The following ZNF592 variants were observed in gnomAD, a reference collection of about 807,000 sequenced individuals.
ZNF592 encodes zinc finger protein 592, also known as spinocerebellar ataxia, autosomal recessive 5.
A neutral mutation model predicts 80.3 loss-of-function variants in ZNF592; 11 were observed. The observed-to-expected ratio is 0.14, with a 90% CI of 0.09 to 0.23. The LOEUF is 0.23. Among genes scored for constraint, ZNF592 ranks in the 10% least tolerant of loss-of-function variants. ZNF592 has a pLI of 1.00. For synonymous variants in ZNF592, 646 were observed against 640.3 expected (o/e 1.01, Z -0.13); for missense variants, 1,420 against 1,633.9 (o/e 0.87, Z 2.26).
In ZNF592 at chr15:84,806,338, A is replaced by G. The variant is rs1383037241; in HGVS notation, c.*3945A>G. The G allele has an allele frequency of 4.6e-5, 7 of 152,222 alleles. No individual in the cohort carries two copies. Among genetic ancestry groups the G allele is most frequent in the African/African-American group, 1.2e-4 (5 of 41,456 alleles). 9.4% of individuals were successfully genotyped at this position (152,222 alleles called of 1,614,324 possible). A position where few individuals can be genotyped will look rare whatever the true frequency, so the allele number is the denominator to read the frequency against. ...TGAGACTAGGACGCAGGTCCCAAGTATGGGATTTTTTTGGGTTCCTACTTA... is the reference window on the plus strand; with the variant it reads ...TGAGACTAGGACGCAGGTCCCAAGTGTGGGATTTTTTTGGGTTCCTACTTA... On this transcript the variant is annotated 3_prime_UTR_variant, in exon 11 of 11. Coordinates refer to ENST00000560079, the MANE Select transcript of ZNF592 (RefSeq NM_014630.3).
chr15:84,796,015 C>T (rs1023901571), intron 5 of ZNF592, among the ~76,000 whole-genome samples: 3 of 151,328 alleles, frequency 2.0e-5, no homozygotes, highest in Non-Finnish European at 4.4e-5. Flanking sequence ...TGAGGTCAGG[C>T]GTTCAAGACC....
chr15:84,790,965 T>C (rs959944091), intron 5 of ZNF592, 82 bp downstream of exon 5: 10 of 1,580,838 alleles, frequency 6.3e-6, no homozygotes, highest in Non-Finnish European at 7.8e-6. Flanking sequence ...CAGATAGTTT[T>C]GGTCTTAAGA....
Position 84,783,234 on chromosome 15 carries a change from G to T in ZNF592, c.559G>T (p.Ala187Ser). The change falls in exon 4 of 11, where the codon GCT becomes TCT. Residue 187 changes from alanine (A) to serine (S), a missense_variant. Ala to Ser is a moderately conservative substitution (Grantham distance 99, BLOSUM62 1). Around this residue, in one of 7 missense-constraint regions of ZNF592, gnomAD observed 373 missense variants for 355.5 expected, o/e 1.05. Transcript: ENST00000560079. This position sits in a 1 kb window ranked among gnomAD's most constrained non-coding sequence, Gnocchi z 5.0. The stretch of plus-strand genomic sequence containing the variant: ...GGGAGGCCCAGTCCTGGAGGCTCTG[G>T]CTAAGTTTCCGGTTCCAGAGCTGCA... The part of the protein sequence containing the change: ...AVGGPVLEAL[A>S]KFPVPELHMF... 6.2e-7 allele frequency: 1 copy of T among 1,614,194 alleles called. No homozygotes were observed. The highest frequency in any genetic ancestry group is 8.5e-7 in the Non-Finnish European group (1 of 1,180,038).
At chr15:84,794,519 AG>A (rs1459178892) in intron 5 of ZNF592, among the ~76,000 whole-genome samples, 2 of 151,206 alleles carry the variant, frequency 1.3e-5, no homozygotes, top group Non-Finnish European at 2.9e-5. Context: ...TCTGTTGACC[AG>A]GCTGGAGTGC....
At chr15:84,771,967 C>G (rs563569241) in intron 2 of ZNF592, among the ~76,000 whole-genome samples, 1 of 152,270 alleles carries the variant, frequency 6.6e-6, no homozygotes, top group Non-Finnish European at 1.5e-5. Flanking sequence ...CTGTTGCAGC[C>G]TAACCTGTTC....
In ZNF592 at chr15:84,783,129, C is replaced by A. The variant is rs921577674; in HGVS notation, c.454C>A (p.Pro152Thr). The change falls in exon 4 of 11, where the codon CCC becomes ACC. Residue 152 changes from proline (P) to threonine (T), a missense_variant. Transcript: ENST00000560079. The surrounding 1 kb of genome is among the most constrained non-coding windows in gnomAD (Gnocchi z 5.0). Reference protein sequence around the residue: ...SPISSPEPEDPIKDNGFGIKP... With the variant: ...SPISSPEPEDTIKDNGFGIKP... ...AATCTCCAGCCCAGAACCTGAGGAT[C>A]CCATCAAAGATAACGGATTTGGGAT... is the stretch of plus-strand genomic sequence containing the variant. 1 of 1,614,048 alleles carries A rather than the reference C, an allele frequency of 6.2e-7. No homozygotes were observed. The highest frequency in any genetic ancestry group is 1.3e-5 in the African/African-American group (1 of 74,940).
In ZNF592 at chr15:84,784,626, C is replaced by T; in HGVS notation, c.1951C>T (p.Leu651=). ...SKGLVMQCSQ[L]LVKPISADQM... is the part of the protein sequence containing the mutation. ...GGGGCTCGTCATGCAGTGTTCCCAG[C>T]TGCTGGTGAAGCCTATCTCTGCGGA... Residue 651 remains leucine (L), a synonymous_variant, in exon 4 of 11, where the codon CTG becomes TTG. Transcript: ENST00000560079. This position sits in a 1 kb window ranked among gnomAD's most constrained non-coding sequence, Gnocchi z 5.8. The T allele has an allele frequency of 6.2e-7, 1 of 1,614,194 alleles. No individual in the cohort carries two copies. Among genetic ancestry groups the T allele is most frequent in the Non-Finnish European group, 8.5e-7 (1 of 1,180,034 alleles).
rs73455538 is a variant in ZNF592, at chr15:84,790,381, T to C, written c.2221-324T>C. ...CAGTGAGGTCTTAGAATTCAAGATG[T>C]GCTTTAGGCCTCTGCAAAGGAAAAG... On this transcript the variant is annotated intron_variant, in intron 4 of 10. Transcript: ENST00000560079. Among the ~76,000 whole-genome samples, 1,411 of 152,202 alleles carry C rather than the reference T, an allele frequency of 9.3e-3. 21 individuals are homozygous for C. The highest frequency in any genetic ancestry group is 0.033 in the African/African-American group (1,353 of 41,518).
At chr15:84,757,512 A>C (rs530123568) in intron 1 of ZNF592, among the ~76,000 whole-genome samples, 1 of 151,630 alleles carries the variant, frequency 6.6e-6, no homozygotes. Flanking sequence ...CTGGTTAATT[A>C]GTTTTATTTT....
At chr15:84,795,785 A>G (rs1017819602) in intron 5 of ZNF592, among the ~76,000 whole-genome samples, 2 of 152,202 alleles carry the variant, frequency 1.3e-5, no homozygotes, top group African/African-American at 4.8e-5. Flanking sequence ...CAAATGTAGT[A>G]ATGAATGCTC....
chr15:84,759,993 GC>G (rs1899302650), intron 1 of ZNF592, among the ~76,000 whole-genome samples: 1 of 137,972 alleles, frequency 7.2e-6, no homozygotes, highest in South Asian at 2.2e-4. Flanking sequence ...AGTAATATGT[GC>G]TTAGTTTAGA....
rs151234929 is a variant in ZNF592, at chr15:84,783,190, C to T, written c.515C>T (p.Pro172Leu). The T allele has an allele frequency of 9.3e-4, 1,509 of 1,614,182 alleles. 4 individuals carry two copies. The highest frequency in any genetic ancestry group is 1.2e-3 in the Non-Finnish European group (1,415 of 1,180,042). The change falls in exon 4 of 11, where the codon CCT becomes CTT. Residue 172 changes from proline to leucine, a missense_variant. This residue lies in a region of ZNF592 where 373 missense variants were observed against 355.5 expected (regional missense o/e 1.05). Transcript: ENST00000560079. The surrounding 1 kb of genome is among the most constrained non-coding windows in gnomAD (Gnocchi z 5.0). ...PKHSDSYFPPPLGCGAVGGPV... is the reference protein window; with the variant it reads ...PKHSDSYFPPLLGCGAVGGPV... The stretch of plus-strand genomic sequence containing the variant: ...CACTCTGACAGTTATTTCCCACCCC[C>T]TCTTGGGTGCGGGGCTGTGGGAGGC...
At chr15:84,750,646 A>G (rs925794527) in intron 1 of ZNF592, among the ~76,000 whole-genome samples, 3 of 152,106 alleles carry the variant, frequency 2.0e-5, no homozygotes, top group African/African-American at 7.2e-5. Context: ...AACTATAGTG[A>G]ATATAAGAAG....
rs143762394 is a variant in ZNF592, at chr15:84,787,999, G to A, written c.2221-2706G>A. ...CTGGGTTTAACTGATTGCTTCCTAA[G>A]TTTTCCAGAACTTTGAGTTTTACTG... On this transcript the variant is annotated intron_variant, in intron 4 of 10. Coordinates refer to ENST00000560079, the MANE Select transcript of ZNF592 (RefSeq NM_014630.3). 3.3e-5 allele frequency among the ~76,000 whole-genome samples: 5 copies of A among 152,206 alleles called. No homozygotes were observed. In the East Asian group the frequency reaches 7.7e-4, roughly 24 times the overall value.
At chr15:84,773,319 C>T (rs1210231176) in intron 2 of ZNF592, among the ~76,000 whole-genome samples, 1 of 151,228 alleles carries the variant, frequency 6.6e-6, no homozygotes, top group African/African-American at 2.4e-5. Flanking sequence ...TCACGCCATT[C>T]TCCTGCCTCA....
chr15:84,773,149 A>AT (rs1382781886), intron 2 of ZNF592, among the ~76,000 whole-genome samples: 1 of 151,796 alleles, frequency 6.6e-6, no homozygotes, highest in African/African-American at 2.4e-5. Flanking sequence ...TTTTCTGACA[A>AT]TAGATAAAAT....
intron 1 of ZNF592, among the ~76,000 whole-genome samples, chr15:84,759,259 G>T (rs774547702): frequency 1.5e-4 from 23 of 152,130 alleles, no homozygotes; most frequent in Non-Finnish European, 1.0e-4. Flanking sequence ...CAGACCAGAA[G>T]TGTCTTAAGG....
intron 10 of ZNF592, among the ~76,000 whole-genome samples, chr15:84,800,213 C>T (rs913773400): frequency 3.9e-5 from 6 of 152,202 alleles, no homozygotes; most frequent in African/African-American, 9.7e-5. Context: ...CCTGTCACCA[C>T]GGCCCCCTCT....
In ZNF592 at chr15:84,801,918, A is replaced by G. The variant is rs750398742; in HGVS notation, c.3329A>G (p.Asn1110Ser). 17 of 1,613,778 alleles carry G rather than the reference A, an allele frequency of 1.1e-5. No homozygotes were observed. The highest frequency in any genetic ancestry group is 5.3e-5 in the African/African-American group (4 of 74,896). The change falls in exon 11 of 11, where the codon AAT becomes AGT. Residue 1110 changes from asparagine (N) to serine (S), a missense_variant. Coordinates refer to ENST00000560079, the MANE Select transcript of ZNF592 (RefSeq NM_014630.3). ...GTGGGGGACGCTCCAGGCACCAGCA[A>G]TGGCGCAACTGTCTCTTCCACCAAA... ...SGVGDAPGTS[N>S]GATVSSTKRH...
Sources: gnomAD v4.1 joint callset for allele counts (sites outside exome capture counted in the v4.1 genomes callset) on GRCh38, gnomAD v4.1.1 for gene constraint, gnomAD v4.1.1 regional missense constraint, Gnocchi (gnomAD v3.1) non-coding constraint, MANE v1.5 for transcripts, NCBI Gene and HGNC (gene_info 2026-07-23, HGNC 2026-07-21) for gene names.